The following ELP4 variants were observed in gnomAD, a reference collection of about 807,000 sequenced individuals.
ELP4 encodes the protein elongator complex protein 4.
In ELP4, 51 loss-of-function variants were observed where a neutral mutation model predicts 48.9. The ratio of observed to expected loss-of-function variants is 1.04; its 90% confidence interval spans 0.83 to 1.32. The LOEUF is 1.32. Ranked by LOEUF, ELP4 falls within the 40% of genes most tolerant of loss-of-function variation. ELP4 has a pLI of 0.00. For missense variants in ELP4, 519 were observed against 514.6 expected (o/e 1.01, Z -0.08); for synonymous variants, 210 against 189.2 (o/e 1.11, Z -0.90).
intron 9 of ELP4, chr11:31,714,925 T>C: frequency 2.5e-6 from 1 of 397,212 alleles, no homozygotes; most frequent in East Asian, 3.6e-5. Context: ...CTTAATTCAA[T>C]CTTTCACCTT....
intron 9 of ELP4, among the ~76,000 whole-genome samples, chr11:31,741,034 C>T (rs1224398977): frequency 6.6e-6 from 1 of 152,246 alleles, no homozygotes; most frequent in Non-Finnish European, 1.5e-5. Context: ...TCGGGTCACT[C>T]CCACCCTAAT....
At chr11:31,703,229 G>T (rs1203062930) in intron 9 of ELP4, among the ~76,000 whole-genome samples, 1 of 152,164 alleles carries the variant, frequency 6.6e-6, no homozygotes, top group Non-Finnish European at 1.5e-5. Flanking sequence ...CAGCAAGCTT[G>T]CTAAGCAAGG....
At chr11:31,534,129 C>A (rs1389388662) in intron 2 of ELP4, among the ~76,000 whole-genome samples, 1 of 152,174 alleles carries the variant, frequency 6.6e-6, no homozygotes, top group Admixed American at 6.5e-5. Flanking sequence ...AGCCACGGTA[C>A]CCGGCCAGTT....
chr11:31,567,645 T>C (rs1216471952), intron 3 of ELP4, among the ~76,000 whole-genome samples: 1 of 152,184 alleles, frequency 6.6e-6, no homozygotes, highest in African/African-American at 2.4e-5. Flanking sequence ...GGTTTTGATA[T>C]AAAGGCATAC....
intron 9 of ELP4, among the ~76,000 whole-genome samples, chr11:31,717,551 C>G (rs1249354774): frequency 6.6e-6 from 1 of 151,792 alleles, no homozygotes; most frequent in Admixed American, 6.6e-5. Flanking sequence ...GTCAGGAGTT[C>G]AGGACCAGCC....
intron 3 of ELP4, among the ~76,000 whole-genome samples, chr11:31,559,728 A>C (rs954155518): frequency 4.6e-5 from 7 of 152,030 alleles, no homozygotes; most frequent in Admixed American, 2.0e-4. Context: ...ACATGGAGAA[A>C]CCTCATCTCT....
At position 31,787,226 on chromosome 11, in the gene ELP4, C is replaced by T; in HGVS notation, c.*3702C>T. On this transcript the variant is annotated 3_prime_UTR_variant, in exon 10 of 10. Transcript: ENST00000640961. ...CAGAGGGCTTCTGCAGCTGAGCAGC[C>T]GCTTCTTCAGACTATACCAGACTGT... is the stretch of plus-strand genomic sequence containing the variant. 1 of 232,790 alleles carries T rather than the reference C, an allele frequency of 4.3e-6. No individual in the cohort carries two copies. The highest frequency in any genetic ancestry group is 8.5e-6 in the Non-Finnish European group (1 of 117,820). 14.4% of individuals were successfully genotyped at this position (232,790 alleles called of 1,614,324 possible). A position where few individuals can be genotyped will look rare whatever the true frequency, so the allele number is the denominator to read the frequency against.
At chr11:31,584,081 G>A (rs1342025095) in intron 3 of ELP4, among the ~76,000 whole-genome samples, 1 of 151,928 alleles carries the variant, frequency 6.6e-6, no homozygotes, top group African/African-American at 2.4e-5. Flanking sequence ...GTTTTAATTG[G>A]TATCTAGGAT....
Position 31,675,230 on chromosome 11 carries a change from A to G in ELP4, c.1143+25009A>G, listed in dbSNP as rs576278413. On this transcript the variant is annotated intron_variant, in intron 9 of 9. Coordinates refer to ENST00000640961, the MANE Select transcript of ELP4 (RefSeq NM_019040.5). ...GGCAGAATTGTTGCCCCCAAGAGTC[A>G]TGAGAGGGAGTGTAGTATAACAATT... 3.9e-5 allele frequency among the ~76,000 whole-genome samples: 6 copies of G among 152,216 alleles called. No individual in the cohort carries two copies. The South Asian group carries it at 1.0e-3, about 26-fold the overall frequency.
chr11:31,659,944 A>G (rs1945518837), intron 9 of ELP4, among the ~76,000 whole-genome samples: 1 of 152,148 alleles, frequency 6.6e-6, no homozygotes, highest in African/African-American at 2.4e-5. Context: ...GTGAGCCAAG[A>G]TCATGCCATT....
chr11:31,717,300 A>G (rs530502288), intron 9 of ELP4, among the ~76,000 whole-genome samples: 1 of 152,340 alleles, frequency 6.6e-6, no homozygotes, highest in East Asian at 1.9e-4. Context: ...CCGCAGTCAC[A>G]TTAGCAGTAA....
intron 9 of ELP4, among the ~76,000 whole-genome samples, chr11:31,710,318 G>A (rs1946714335): frequency 6.6e-6 from 1 of 152,160 alleles, no homozygotes; most frequent in African/African-American, 2.4e-5. Flanking sequence ...AAGGAAGAAT[G>A]ATGTGTTCAT....
intron 5 of ELP4, among the ~76,000 whole-genome samples, chr11:31,616,868 C>T (rs1440505764): frequency 6.6e-6 from 1 of 151,856 alleles, no homozygotes. Flanking sequence ...ACAAGATACC[C>T]CCTCACATCT....
At position 31,655,589 on chromosome 11, in the gene ELP4, G is replaced by A. The variant is rs145044436; in HGVS notation, c.1143+5368G>A. On this transcript the variant is annotated intron_variant, in intron 9 of 9. Transcript: ENST00000640961. ...TGAGGCATCAGCAGGGCAAGGTTTG[G>A]AGGCCAGCTTAGGTCCGGTTGTTAA... Among the ~76,000 whole-genome samples the A allele has an allele frequency of 5.9e-5, 9 of 152,064 alleles. No homozygotes were observed. In the East Asian group the frequency reaches 1.7e-3, roughly 30 times the overall value.
intron 3 of ELP4, among the ~76,000 whole-genome samples, chr11:31,591,018 G>C (rs1957560033): frequency 6.6e-6 from 1 of 152,078 alleles, no homozygotes; most frequent in Admixed American, 6.6e-5. Flanking sequence ...TGTCCAAGGA[G>C]AAAATATTTG....
rs527638640 is a variant in ELP4 at position 31,591,069 on chromosome 11, A to G, written c.382-3701A>G. ...ATAATGTCTACTATCTAAAATAAAT[A>G]AAGTAGTCTCACAACTCAACAAAAA... is the stretch of plus-strand genomic sequence containing the variant. On this transcript the variant is annotated intron_variant, in intron 3 of 9. Coordinates refer to ENST00000640961, the MANE Select transcript of ELP4 (RefSeq NM_019040.5). Among the ~76,000 whole-genome samples the G allele has an allele frequency of 3.9e-5, 6 of 152,264 alleles. No individual in the cohort carries two copies. The South Asian group carries it at 8.3e-4, about 21-fold the overall frequency.
chr11:31,550,371 A>G (rs1956827744), intron 3 of ELP4, among the ~76,000 whole-genome samples: 1 of 152,174 alleles, frequency 6.6e-6, no homozygotes, highest in African/African-American at 2.4e-5. Flanking sequence ...TCCAAAGTAT[A>G]TATGAAGGGA....
rs751972970 is a variant in ELP4, at chr11:31,647,778, A to G, written c.965A>G (p.Asp322Gly). The G allele has an allele frequency of 2.5e-6, 4 of 1,609,740 alleles. No homozygotes were observed. The highest frequency in any genetic ancestry group is 3.4e-6 in the Non-Finnish European group (4 of 1,176,924). ...AIIARVTTLS[D>G]VVVGLESFIG... Reference sequence around the variant, plus strand: ...ATTGCCCGTGTCACAACCTTGTCAGATGTAGTAGTTGGTCTGGAATCATTT... The same window carrying G: ...ATTGCCCGTGTCACAACCTTGTCAGGTGTAGTAGTTGGTCTGGAATCATTT... Residue 322 changes from aspartate (D) to glycine (G), a missense_variant, in exon 8 of 10, where the codon GAT (aspartate) becomes GGT (glycine). Coordinates refer to ENST00000640961, the MANE Select transcript of ELP4 (RefSeq NM_019040.5).
intron 1 of ELP4, among the ~76,000 whole-genome samples, chr11:31,514,160 A>AG (rs939338292): frequency 2.0e-5 from 3 of 152,248 alleles, no homozygotes; most frequent in African/African-American, 4.8e-5. Context: ...AGAAGTAAAA[A>AG]CAAGAGTTTA....
Sources: allele counts gnomAD v4.1 joint callset (sites outside exome capture counted in the v4.1 genomes callset), GRCh38; gene constraint gnomAD v4.1.1; transcripts MANE v1.5; gene names NCBI Gene and HGNC (gene_info 2026-07-23, HGNC 2026-07-21).